The following WDR59 variants were observed in gnomAD, a reference collection of about 807,000 sequenced individuals.
WDR59 encodes the protein WD repeat domain 59.
In WDR59, 100 loss-of-function variants were observed where a neutral mutation model predicts 131.2. That is an observed-to-expected ratio of 0.76 (90% CI 0.65 to 0.90). WDR59 has a LOEUF of 0.90. Ranked by LOEUF, WDR59 falls within the 40% of genes least tolerant of loss-of-function variation. The probability of loss-of-function intolerance (pLI) is 0.00; values close to 1 mark genes in which losing one functional copy is unlikely to be tolerated. For synonymous variants in WDR59, 601 were observed against 466.2 expected (o/e 1.29, Z -3.72); for missense variants, 1,203 against 1,262.2 (o/e 0.95, Z 0.71).
chr16:74,921,450 G>A (rs1011187623), intron 10 of WDR59, among the ~76,000 whole-genome samples: 6 of 151,930 alleles, frequency 3.9e-5, no homozygotes, highest in African/African-American at 7.2e-5. Flanking sequence ...CAAAACTACC[G>A]GTCAACCCCT....
At chr16:74,915,715 C>A in intron 13 of WDR59, 155 bp downstream of exon 13, 1 of 1,100,210 alleles carries the variant, frequency 9.1e-7, no homozygotes, top group Non-Finnish European at 1.3e-6. Context: ...TGAGCCACCG[C>A]GCCTGGCCAG....
At chr16:74,938,531 T>C (rs1436736753) in intron 7 of WDR59, among the ~76,000 whole-genome samples, 1 of 152,048 alleles carries the variant, frequency 6.6e-6, no homozygotes, top group Non-Finnish European at 1.5e-5. Context: ...TAGTAGGTGC[T>C]TTTCACCCCC....
At chr16:74,961,958 A>C (rs968714519) in intron 2 of WDR59, among the ~76,000 whole-genome samples, 1 of 151,966 alleles carries the variant, frequency 6.6e-6, no homozygotes, top group Non-Finnish European at 1.5e-5. Context: ...TCTTGAGTTT[A>C]TTTTTTTATA....
intron 13 of WDR59, 182 bp downstream of exon 13, chr16:74,915,688 T>G (rs2144964433): frequency 1.4e-6 from 1 of 740,288 alleles, no homozygotes; most frequent in East Asian, 3.1e-5. Context: ...ACTCCCAAAG[T>G]GCTGGGATTA....
chr16:74,971,334 T>C (rs938398456), intron 1 of WDR59, among the ~76,000 whole-genome samples: 2 of 150,638 alleles, frequency 1.3e-5, no homozygotes, highest in Middle Eastern at 3.4e-3. Flanking sequence ...CTGACAGTGG[T>C]CCCAAAAAAA....
chr16:74,925,357 A>C lies in WDR59; in HGVS notation c.652-1354T>G, dbSNP rs569716411. ...TCAGGAGTTCAAGACCAGCCTGGCC[A>C]ACATGGCGAAACCCCATCTCTACCA... On this transcript the variant is annotated intron_variant, in intron 8 of 25. Coordinates refer to ENST00000262144, the MANE Select transcript of WDR59 (RefSeq NM_030581.4). 1.6e-3 allele frequency among the ~76,000 whole-genome samples: 245 copies of C among 152,240 alleles called. 6 individuals carry two copies. The South Asian group carries it at 0.049, about 30-fold the overall frequency.
chr16:74,874,510 G>C, intron 25 of WDR59, 66 bp from the exon 26 acceptor site: 5 of 1,405,026 alleles, frequency 3.6e-6, no homozygotes, highest in Non-Finnish European at 4.9e-6. Context: ...AAGGAAACTG[G>C]GGCTTGCCAG....
chr16:74,972,279 A>C (rs1000269951), intron 1 of WDR59, among the ~76,000 whole-genome samples: 8 of 152,164 alleles, frequency 5.3e-5, no homozygotes, highest in African/African-American at 1.9e-4. Context: ...ACGTCAAGCT[A>C]ACTGATGGCT....
intron 13 of WDR59, among the ~76,000 whole-genome samples, chr16:74,913,362 G>T (rs759325367): frequency 2.0e-5 from 3 of 151,964 alleles, no homozygotes; most frequent in Non-Finnish European, 2.9e-5. Flanking sequence ...CACCTTCTGG[G>T]TTCAAGTGAT....
At chr16:74,914,618 G>A (rs539769888) in intron 13 of WDR59, among the ~76,000 whole-genome samples, 1 of 149,346 alleles carries the variant, frequency 6.7e-6, no homozygotes, top group East Asian at 2.0e-4. Context: ...TTTCGAGACG[G>A]AGTCTTGCTC....
intron 6 of WDR59, among the ~76,000 whole-genome samples, chr16:74,944,070 G>C (rs142193027): frequency 5.5e-4 from 83 of 152,262 alleles, no homozygotes; most frequent in African/African-American, 2.0e-3. Flanking sequence ...AGTTACTTAA[G>C]AGTCCAAGAG....
intron 1 of WDR59, among the ~76,000 whole-genome samples, chr16:74,972,294 A>G (rs1366085470): frequency 1.3e-5 from 2 of 152,212 alleles, no homozygotes; most frequent in Non-Finnish European, 2.9e-5. Context: ...ATGGCTAATG[A>G]AGGAAATCAA....
intron 25 of WDR59, among the ~76,000 whole-genome samples, chr16:74,874,662 C>T (rs1197314334): frequency 1.3e-5 from 2 of 152,186 alleles, no homozygotes; most frequent in African/African-American, 4.8e-5. Flanking sequence ...ATGGTGCAAT[C>T]TTGGCTCACT....
In WDR59 at chr16:74,908,892, C is replaced by A; in HGVS notation, c.1712+16G>T. The A allele has an allele frequency of 6.2e-7, 1 of 1,612,864 alleles. No homozygotes were observed. The highest frequency in any genetic ancestry group is 8.5e-7 in the Non-Finnish European group (1 of 1,179,160). Reference sequence around the variant, plus strand: ...CCCCGGGAACGTAGAGCGGCTTCTGCATCTCCCTGACTCACCTCGGAGTAG... The same window carrying A: ...CCCCGGGAACGTAGAGCGGCTTCTGAATCTCCCTGACTCACCTCGGAGTAG... On this transcript the variant is annotated intron_variant, in intron 17 of 25. Transcript: ENST00000262144.
At chr16:74,927,461 G>A (rs549901125) in intron 8 of WDR59, among the ~76,000 whole-genome samples, 134 of 151,850 alleles carry the variant, frequency 8.8e-4, no homozygotes, top group Middle Eastern at 6.8e-3. Flanking sequence ...GGTGGCACAC[G>A]CCTGGAGTCC....
At chr16:74,896,801 C>A (rs1237848852) in intron 18 of WDR59, among the ~76,000 whole-genome samples, 1 of 152,102 alleles carries the variant, frequency 6.6e-6, no homozygotes, top group Non-Finnish European at 1.5e-5. Flanking sequence ...TGACTGAGGA[C>A]TTACAGTATC....
intron 13 of WDR59, among the ~76,000 whole-genome samples, chr16:74,914,262 A>T (rs1567714564): frequency 6.6e-6 from 1 of 152,114 alleles, no homozygotes; most frequent in African/African-American, 2.4e-5. Flanking sequence ...TATCTCAATA[A>T]TTTTTTTAAA....
intron 7 of WDR59, among the ~76,000 whole-genome samples, chr16:74,938,768 G>A (rs551402404): frequency 1.3e-5 from 2 of 151,700 alleles, no homozygotes; most frequent in Non-Finnish European, 2.9e-5. Flanking sequence ...GAACTCCTGG[G>A]CTCAAGCGAA....
chr16:74,960,532 G>C (rs2033512336), intron 2 of WDR59, among the ~76,000 whole-genome samples: 1 of 151,748 alleles, frequency 6.6e-6, no homozygotes, highest in Non-Finnish European at 1.5e-5. Context: ...ATCACCCAAG[G>C]TCAGGAGTTT....
Sources: gnomAD v4.1 joint callset for allele counts (sites outside exome capture counted in the v4.1 genomes callset) on GRCh38, gnomAD v4.1.1 for gene constraint, MANE v1.5 for transcripts, NCBI Gene and HGNC (gene_info 2026-07-23, HGNC 2026-07-21) for gene names.